The following COL4A1 variants were observed in gnomAD, a reference collection of about 807,000 sequenced individuals.
COL4A1 encodes the protein collagen type IV alpha 1 chain, also known as collagen alpha-1(IV) chain.
COL4A1 carries 40 observed loss-of-function variants against 216.6 expected under a neutral mutation model. The observed-to-expected ratio is 0.18, with a 90% CI of 0.14 to 0.24. The LOEUF (loss-of-function observed/expected upper bound fraction) is 0.24. COL4A1 is among the 10% of genes least tolerant of loss of function. COL4A1 has a pLI of 1.00. For missense variants in COL4A1, 1,628 were observed against 2,196.8 expected, an observed-to-expected ratio of 0.74 and a Z score of 5.18; for synonymous variants, 839 against 810.7, an observed-to-expected ratio of 1.03 and a Z score of -0.59.
intron 1 of COL4A1, among the ~76,000 whole-genome samples, chr13:110,283,939 A>G (rs190022583): frequency 6.6e-6 from 1 of 152,152 alleles, no homozygotes; most frequent in African/African-American, 2.4e-5. Context: ...AGCCCAAGGA[A>G]CAGCGCTGTA....
intron 1 of COL4A1, among the ~76,000 whole-genome samples, chr13:110,252,754 T>A (rs1225179661): frequency 7.0e-6 from 1 of 142,340 alleles, no homozygotes; most frequent in Non-Finnish European, 1.5e-5. Flanking sequence ...ATACATATAA[T>A]TATATGTATG....
chr13:110,283,307 C>T lies in COL4A1; in HGVS notation c.84+23637G>A, dbSNP rs527920926. Among the ~76,000 whole-genome samples, 4 of 152,300 alleles carry T rather than the reference C, an allele frequency of 2.6e-5. No individual in the cohort carries two copies. In the East Asian group the frequency reaches 7.7e-4, roughly 29 times the overall value. On this transcript the variant is annotated intron_variant, in intron 1 of 51. Coordinates refer to ENST00000375820, the MANE Select transcript of COL4A1 (RefSeq NM_001845.6). The stretch of plus-strand genomic sequence containing the variant: ...AGACTAGAAAATTTTATGTCAGCAG[C>T]TAGTTTTTAAATCATACATTTGCTT...
chr13:110,299,088 G>A (rs553507375), intron 1 of COL4A1, among the ~76,000 whole-genome samples: 1 of 152,330 alleles, frequency 6.6e-6, no homozygotes, highest in African/African-American at 2.4e-5. Flanking sequence ...GCGGGCAGGA[G>A]CAGAAATCAA....
rs185735209 is a variant in COL4A1 at position 110,180,623 on chromosome 13, T to C, written c.2193+669A>G. 1.2e-4 allele frequency among the ~76,000 whole-genome samples: 19 copies of C among 152,372 alleles called. No individual in the cohort carries two copies. The East Asian group carries it at 3.1e-3, about 25-fold the overall frequency. ...TCAGGACAGGAAAGGATCTAATCGG[T>C]AGTCGCTCACATTTGCTGAGCAGAA... On this transcript the variant is annotated intron_variant, in intron 29 of 51. Coordinates refer to ENST00000375820, the MANE Select transcript of COL4A1 (RefSeq NM_001845.6).
At chr13:110,252,509 AT>A (rs1882141361) in intron 1 of COL4A1, among the ~76,000 whole-genome samples, 1 of 14,310 alleles carries the variant, frequency 7.0e-5, no homozygotes, top group African/African-American at 1.3e-4. Context: ...GTATATATGT[AT>A]TATATATACG....
intron 24 of COL4A1, 48 bp from the exon 25 acceptor site, chr13:110,187,377 C>T: frequency 6.2e-7 from 1 of 1,603,862 alleles, no homozygotes; most frequent in Non-Finnish European, 8.5e-7. Flanking sequence ...ATCCATGAAG[C>T]ACACCAGTGT....
rs1213575992 is a variant in COL4A1, at chr13:110,160,195, C to A, written c.4640+997G>T. ...CGGTGGCTCACGCCTGTAATCCCAGCACTTTGGGAGGCCGAGGCGGGTGGA... is the reference window on the plus strand; with the variant it reads ...CGGTGGCTCACGCCTGTAATCCCAGAACTTTGGGAGGCCGAGGCGGGTGGA... On this transcript the variant is annotated intron_variant, in intron 49 of 51. Coordinates refer to ENST00000375820, the MANE Select transcript of COL4A1 (RefSeq NM_001845.6). Among the ~76,000 whole-genome samples, 4 of 148,512 alleles carry A rather than the reference C, an allele frequency of 2.7e-5. 1 individual carries two copies. Among genetic ancestry groups the A allele is most frequent in the Non-Finnish European group, 5.9e-5 (4 of 67,668 alleles).
chr13:110,291,087 A>G (rs1398252681), intron 1 of COL4A1, among the ~76,000 whole-genome samples: 2 of 152,138 alleles, frequency 1.3e-5, no homozygotes, highest in Non-Finnish European at 2.9e-5. Flanking sequence ...TCTCCTCAGG[A>G]CACTTGCAGC....
chr13:110,188,026 A>G (rs1878475375), intron 24 of COL4A1, among the ~76,000 whole-genome samples: 1 of 152,140 alleles, frequency 6.6e-6, no homozygotes, highest in African/African-American at 2.4e-5. Flanking sequence ...TTCCCAAGAG[A>G]CTCACACTAG....
At chr13:110,297,634 TAAATG>T (rs1405854906) in intron 1 of COL4A1, among the ~76,000 whole-genome samples, 1 of 152,214 alleles carries the variant, frequency 6.6e-6, no homozygotes, top group Non-Finnish European at 1.5e-5. Flanking sequence ...TCTCAGAACT[TAAATG>T]AAAAGATTTG....
chr13:110,237,584 T>C (rs551432905), intron 2 of COL4A1, among the ~76,000 whole-genome samples: 27 of 152,332 alleles, frequency 1.8e-4, no homozygotes, highest in African/African-American at 5.3e-4. Flanking sequence ...CCCGGGCTGG[T>C]TGGTTTCTTC....
chr13:110,179,510 T>C, intron 29 of COL4A1, 89 bp from the exon 30 acceptor site: 2 of 1,568,696 alleles, frequency 1.3e-6, no homozygotes, highest in Non-Finnish European at 1.8e-6. Flanking sequence ...ACTTAACAGA[T>C]ACTGCCAATG....
intron 2 of COL4A1, among the ~76,000 whole-genome samples, chr13:110,237,174 T>G (rs1412369644): frequency 1.3e-5 from 2 of 152,010 alleles, no homozygotes; most frequent in Non-Finnish European, 1.5e-5. Flanking sequence ...CGCCACAGAG[T>G]CAGTAAGAGG....
chr13:110,289,296 G>A (rs541541522), intron 1 of COL4A1, among the ~76,000 whole-genome samples: 17 of 152,218 alleles, frequency 1.1e-4, no homozygotes, highest in African/African-American at 4.1e-4. Flanking sequence ...GATCCAGGCC[G>A]GGGTGCCATC....
At chr13:110,199,068 A>C (rs1309389631) in intron 20 of COL4A1, among the ~76,000 whole-genome samples, 2 of 152,198 alleles carry the variant, frequency 1.3e-5, no homozygotes, top group African/African-American at 2.4e-5. Flanking sequence ...AAGGACACAC[A>C]AGATGGTTCT....
At chr13:110,233,583 C>A (rs1342472131) in intron 2 of COL4A1, among the ~76,000 whole-genome samples, 2 of 152,126 alleles carry the variant, frequency 1.3e-5, no homozygotes, top group African/African-American at 2.4e-5. Context: ...AGTACACGCA[C>A]ATTGGGAAAA....
rs1879810552 is a variant in COL4A1 at position 110,211,794 on chromosome 13, G to A, written c.441+75C>T. The A allele has an allele frequency of 1.9e-6, 3 of 1,541,360 alleles. No homozygotes were observed. The highest frequency in any genetic ancestry group is 2.7e-6 in the Non-Finnish European group (3 of 1,121,184). On this transcript the variant is annotated intron_variant, in intron 7 of 51. Coordinates refer to ENST00000375820, the MANE Select transcript of COL4A1 (RefSeq NM_001845.6). The surrounding 1 kb of genome is among the most constrained non-coding windows in gnomAD (Gnocchi z 4.3). ...ATTAAAACATAAGCAAAGAAAGAAA[G>A]AAAAGGAAATGGAATGAAAAGAGAG...
At position 110,291,239 on chromosome 13, in the gene COL4A1, C is replaced by T. The variant is rs55695137; in HGVS notation, c.84+15705G>A. Among the ~76,000 whole-genome samples the T allele has an allele frequency of 5.2e-3, 788 of 152,360 alleles. 10 individuals carry two copies. Among genetic ancestry groups the T allele is most frequent in the African/African-American group, 0.018 (750 of 41,584 alleles). Reference sequence around the variant, plus strand: ...ACCCACTTGTCTCTTTGATCATCTTCACGTTTTGCACTAAATTCATCTAAA... The same window carrying T: ...ACCCACTTGTCTCTTTGATCATCTTTACGTTTTGCACTAAATTCATCTAAA... On this transcript the variant is annotated intron_variant, in intron 1 of 51. Transcript: ENST00000375820.
chr13:110,199,968 C>T (rs1285858705), intron 20 of COL4A1, among the ~76,000 whole-genome samples: 6 of 151,916 alleles, frequency 3.9e-5, no homozygotes, highest in African/African-American at 1.5e-4. Flanking sequence ...CTGAGCCAGG[C>T]GTGGGCTGTG....
Sources: allele counts gnomAD v4.1 joint callset (sites outside exome capture counted in the v4.1 genomes callset), GRCh38; gene constraint gnomAD v4.1.1; non-coding constraint Gnocchi (gnomAD v3.1); transcripts MANE v1.5; gene names NCBI Gene and HGNC (gene_info 2026-07-23, HGNC 2026-07-21).